RBMS1: variants seen among roughly 807,000 people sequenced by gnomAD.
RBMS1 encodes RNA binding motif single stranded interacting protein 1.
In RBMS1, 17 loss-of-function variants were observed where a neutral mutation model predicts 62.3. The observed-to-expected ratio is 0.27, with a 90% CI of 0.19 to 0.41. The LOEUF (loss-of-function observed/expected upper bound fraction) is 0.41. Ranked by LOEUF, RBMS1 falls within the 10% of genes least tolerant of loss-of-function variation. The probability of loss-of-function intolerance (pLI) is 1.00; values close to 1 mark genes in which losing one functional copy is unlikely to be tolerated. For synonymous variants in RBMS1, 172 were observed against 170.0 expected, an observed-to-expected ratio of 1.01 and a Z score of -0.09; for missense variants, 334 against 504.5, an observed-to-expected ratio of 0.66 and a Z score of 3.24.
At chr2:160,425,818 C>G (rs747710727) in intron 1 of RBMS1, among the ~76,000 whole-genome samples, 1 of 152,126 alleles carries the variant, frequency 6.6e-6, no homozygotes. Context: ...CTGTTGAGAT[C>G]GGGTTTCATA....
intron 1 of RBMS1, among the ~76,000 whole-genome samples, chr2:160,373,556 C>A (rs749012250): frequency 7.9e-5 from 12 of 152,198 alleles, no homozygotes; most frequent in Non-Finnish European, 1.3e-4. Flanking sequence ...CCACTGAGAA[C>A]TCTGGGCCAG....
rs1687723135 is a variant in RBMS1 at position 160,274,463 on chromosome 2, TTTTTTTTC to T, written c.*301_*308del. 6.7e-6 allele frequency: 1 copy of T among 149,036 alleles called. No homozygotes were observed. The highest frequency in any genetic ancestry group is 6.7e-5 in the Admixed American group (1 of 14,980). 9.2% of individuals were successfully genotyped at this position (149,036 alleles called of 1,614,324 possible). On this transcript the variant is annotated 3_prime_UTR_variant, in exon 14 of 14. Coordinates refer to ENST00000348849, the MANE Select transcript of RBMS1 (RefSeq NM_016836.4). ...AGAAAATTGAAGTTTTCTTTTCTTT[TTTTTTTTC>T]TTTTTCTTTTTTTGCATCATAACAT...
chr2:160,451,276 T>G (rs1286437914), intron 1 of RBMS1, among the ~76,000 whole-genome samples: 1 of 152,212 alleles, frequency 6.6e-6, no homozygotes, highest in African/African-American at 2.4e-5. Flanking sequence ...CTGCTTGTGT[T>G]AAACCAATGT....
intron 11 of RBMS1, 124 bp downstream of exon 11, chr2:160,278,424 G>T: frequency 1.3e-6 from 1 of 773,362 alleles, no homozygotes; most frequent in African/African-American, 1.7e-5. Context: ...GTCATGTGGG[G>T]GGAAGAGAGG....
At chr2:160,346,304 A>C (rs1429562324) in intron 2 of RBMS1, among the ~76,000 whole-genome samples, 2 of 152,146 alleles carry the variant, frequency 1.3e-5, no homozygotes, top group African/African-American at 2.4e-5. Context: ...AACACTAAGC[A>C]AAGTGGGCAG....
intron 2 of RBMS1, among the ~76,000 whole-genome samples, chr2:160,331,010 T>C (rs1441571693): frequency 1.3e-5 from 2 of 152,138 alleles, no homozygotes; most frequent in Non-Finnish European, 2.9e-5. Flanking sequence ...GAGAGATTCC[T>C]GCAAGCCAGG....
At chr2:160,300,514 C>T in intron 6 of RBMS1, 137 bp downstream of exon 6, 2 of 1,245,818 alleles carry the variant, frequency 1.6e-6, no homozygotes, top group Non-Finnish European at 2.1e-6. Flanking sequence ...ATTTTTAAGT[C>T]TTATTTCTAA....
chr2:160,385,685 T>C (rs962181570), intron 1 of RBMS1, among the ~76,000 whole-genome samples: 1 of 152,220 alleles, frequency 6.6e-6, no homozygotes, highest in Non-Finnish European at 1.5e-5. Context: ...GAAGGGAATG[T>C]AGAGATGCCC....
chr2:160,404,489 A>G (rs1695591677), intron 1 of RBMS1, among the ~76,000 whole-genome samples: 2 of 152,264 alleles, frequency 1.3e-5, no homozygotes, highest in African/African-American at 2.4e-5. Context: ...ATTTGAAAAT[A>G]ATACAGTATA....
chr2:160,312,353 A>C (rs1689972050), intron 4 of RBMS1, among the ~76,000 whole-genome samples: 2 of 152,092 alleles, frequency 1.3e-5, no homozygotes, highest in African/African-American at 4.8e-5. Flanking sequence ...CGTAGAGGGA[A>C]ACTACCATAA....
intron 1 of RBMS1, among the ~76,000 whole-genome samples, chr2:160,479,322 C>T (rs958801605): frequency 2.0e-5 from 3 of 152,252 alleles, no homozygotes; most frequent in Non-Finnish European, 2.9e-5. Flanking sequence ...TCATCTACAA[C>T]AGGTTAGACA....
chr2:160,363,474 G>A (rs1466096598), intron 2 of RBMS1, among the ~76,000 whole-genome samples: 2 of 152,124 alleles, frequency 1.3e-5, no homozygotes, highest in African/African-American at 4.8e-5. Context: ...GGGAGGGGAG[G>A]CACCGGATGG....
intron 3 of RBMS1, among the ~76,000 whole-genome samples, chr2:160,316,465 A>C (rs1425289586): frequency 1.3e-5 from 2 of 152,358 alleles, no homozygotes; most frequent in East Asian, 3.9e-4. Context: ...TCCTACCCTT[A>C]GAAGTCCATA....
chr2:160,296,712 G>GT (rs202178289), intron 6 of RBMS1, among the ~76,000 whole-genome samples: 5,298 of 152,146 alleles, frequency 0.035, 131 homozygotes, highest in Non-Finnish European at 0.053. Context: ...GGCCTGACCT[G>GT]TTTTTTTATG....
intron 1 of RBMS1, among the ~76,000 whole-genome samples, chr2:160,378,018 T>TA (rs1252127843): frequency 1.3e-5 from 2 of 152,218 alleles, no homozygotes; most frequent in African/African-American, 2.4e-5. Context: ...CTAGACCTGT[T>TA]AAGACAGCAG....
intron 1 of RBMS1, among the ~76,000 whole-genome samples, chr2:160,451,199 T>C (rs1472461230): frequency 6.6e-6 from 1 of 151,258 alleles, no homozygotes; most frequent in Non-Finnish European, 1.5e-5. Context: ...GAAAATATCA[T>C]AACATGTTTA....
chr2:160,323,608 G>GGAA (rs1553507983), intron 2 of RBMS1, among the ~76,000 whole-genome samples: 101 of 84,754 alleles, frequency 1.2e-3, no homozygotes, highest in Non-Finnish European at 1.6e-3. Flanking sequence ...AGAATTTCAT[G>GGAA]AAAGAAAAAA....
chr2:160,278,991 G>GA (rs1259756134), intron 10 of RBMS1: 1 of 187,376 alleles, frequency 5.3e-6, no homozygotes, highest in Admixed American at 5.6e-5. Context: ...GCTATCATAG[G>GA]AAAAACAAAC....
intron 1 of RBMS1, among the ~76,000 whole-genome samples, chr2:160,376,919 C>T (rs1198989979): frequency 1.3e-5 from 2 of 152,230 alleles, no homozygotes; most frequent in East Asian, 3.8e-4. Flanking sequence ...CCTCCTGCCT[C>T]AGCCTTTCAA....
Sources: allele counts gnomAD v4.1 joint callset (sites outside exome capture counted in the v4.1 genomes callset), GRCh38; gene constraint gnomAD v4.1.1; transcripts MANE v1.5; gene names NCBI Gene and HGNC (gene_info 2026-07-23, HGNC 2026-07-21).